The following EDEM3 variants were observed in gnomAD, a reference collection of about 807,000 sequenced individuals.
EDEM3 encodes ER degradation enhancing alpha-mannosidase like protein 3.
A neutral mutation model predicts 110.2 loss-of-function variants in EDEM3; 60 were observed. The observed-to-expected ratio is 0.54, with a 90% confidence interval of 0.44 to 0.67. EDEM3 has a LOEUF of 0.67. Among genes scored for constraint, EDEM3 ranks in the 30% least tolerant of loss-of-function variants. The probability of loss-of-function intolerance (pLI) is 0.00; values close to 1 mark genes in which losing one functional copy is unlikely to be tolerated. For missense variants in EDEM3, 996 were observed against 1,121.0 expected, an observed-to-expected ratio of 0.89 and a Z score of 1.59; for synonymous variants, 352 against 382.9, an observed-to-expected ratio of 0.92 and a Z score of 0.94.
chr1:184,712,176 T>C (rs1411784904), intron 14 of EDEM3, among the ~76,000 whole-genome samples: 5 of 152,140 alleles, frequency 3.3e-5, no homozygotes, highest in South Asian at 4.1e-4. Context: ...TCCACCTACC[T>C]GGGCCTCCCA....
In EDEM3 at chr1:184,708,362, T is replaced by C. The variant is rs76587034; in HGVS notation, c.1846-18A>G. The C allele has an allele frequency of 4.7e-3, 7,600 of 1,609,096 alleles. 325 individuals carry two copies. In the African/African-American group the frequency reaches 0.091, roughly 19 times the overall value. On this transcript the variant is annotated intron_variant, in intron 16 of 19. Transcript: ENST00000318130. ...CTAGCAGCCTATGAAAAAAACAAAT[T>C]CATTTTATCCTTCCTTTCTGGAAAC...
At chr1:184,733,647 G>C (rs904051836) in intron 5 of EDEM3, among the ~76,000 whole-genome samples, 1 of 152,048 alleles carries the variant, frequency 6.6e-6, no homozygotes, top group African/African-American at 2.4e-5. Context: ...GGCCAACACG[G>C]TGAAACCCTG....
rs112913797 is a variant in EDEM3 at position 184,723,815 on chromosome 1, T to C, written c.789A>G (p.Arg263=). ...RKALDFLWEK[R]QRSSNLVGVT... is the part of the protein sequence containing the mutation. ...CGCCCACTAAATTACTACTTCGCTG[T>C]CTTTTTTCCCAGAGAAAATCAAGAG... The change falls in exon 8 of 20, where the codon AGA becomes AGG. Residue 263 remains arginine, a synonymous_variant. Transcript: ENST00000318130. 5.8e-5 allele frequency: 93 copies of C among 1,594,886 alleles called. 1 individual carries two copies. In the African/African-American group the frequency reaches 6.0e-4, roughly 10 times the overall value.
In EDEM3 at chr1:184,754,602, C is replaced by T. The variant is rs1652989935; in HGVS notation, c.45G>A (p.Gln15=). 1.2e-6 allele frequency: 2 copies of T among 1,609,386 alleles called. No individual in the cohort carries two copies. Among genetic ancestry groups the T allele is most frequent in the Non-Finnish European group, 1.7e-6 (2 of 1,178,280 alleles). ...CCGCCACTAGTCTCCATCGCGCTCGCTGGGGAACCGGGGACCCACAGCCCC... is the reference window on the plus strand; with the variant it reads ...CCGCCACTAGTCTCCATCGCGCTCGTTGGGGAACCGGGGACCCACAGCCCC... ...GGRGCGSPVP[Q]RARWRLVAAT... Residue 15 remains glutamine, a synonymous_variant, in exon 1 of 20, where the codon CAG becomes CAA. Coordinates refer to ENST00000318130, the MANE Select transcript of EDEM3 (RefSeq NM_025191.4).
intron 18 of EDEM3, among the ~76,000 whole-genome samples, chr1:184,706,359 T>C (rs1422375834): frequency 6.6e-6 from 1 of 152,158 alleles, no homozygotes; most frequent in Non-Finnish European, 1.5e-5. Flanking sequence ...GCACCTTTTC[T>C]TATCCATGGT....
At position 184,708,541 on chromosome 1, in the gene EDEM3, C is replaced by T. The variant is rs185115783; in HGVS notation, c.1846-197G>A. The stretch of plus-strand genomic sequence containing the variant: ...ATAGTATTTCTGAAAATAACTTATC[C>T]GTATTTTTTATCAATGTCACTTTCG... On this transcript the variant is annotated intron_variant, in intron 16 of 19. Coordinates refer to ENST00000318130, the MANE Select transcript of EDEM3 (RefSeq NM_025191.4). 4.9e-3 allele frequency among the ~76,000 whole-genome samples: 753 copies of T among 152,122 alleles called. 6 individuals are homozygous for T. The highest frequency in any genetic ancestry group is 0.037 in the East Asian group (188 of 5,138).
intron 1 of EDEM3, among the ~76,000 whole-genome samples, chr1:184,752,900 G>A (rs891834662): frequency 2.0e-5 from 3 of 152,156 alleles, no homozygotes; most frequent in African/African-American, 7.2e-5. Context: ...GAAATAGGAA[G>A]GAGTACAGAG....
Position 184,708,363 on chromosome 1 carries a change from C to T in EDEM3, c.1846-19G>A. 6.2e-7 allele frequency: 1 copy of T among 1,608,564 alleles called. No homozygotes were observed. Among genetic ancestry groups the T allele is most frequent in the South Asian group, 1.1e-5 (1 of 89,974 alleles). On this transcript the variant is annotated intron_variant, in intron 16 of 19. Transcript: ENST00000318130. ...TAGCAGCCTATGAAAAAAACAAATT[C>T]ATTTTATCCTTCCTTTCTGGAAACT...
rs371763731 is a variant in EDEM3 at position 184,710,401 on chromosome 1, G to C, written c.1838C>G (p.Ala613Gly). Residue 613 changes from alanine (A) to glycine (G), a missense_variant, in exon 16 of 20, where the codon GCA (alanine) becomes GGA (glycine). By Grantham distance (60) the Ala-to-Gly change is moderately conservative. Coordinates refer to ENST00000318130, the MANE Select transcript of EDEM3 (RefSeq NM_025191.4). ...KDGRVQLVQHAIQAASSIDAE... is the reference protein window; with the variant it reads ...KDGRVQLVQHGIQAASSIDAE... ...AGTGTAGCAATGTCTTACTTGGATT[G>C]CATGTTGGACCAACTGGACTCTCCC... 40 of 1,613,602 alleles carry C rather than the reference G, an allele frequency of 2.5e-5. No individual in the cohort carries two copies. Among genetic ancestry groups the C allele is most frequent in the Non-Finnish European group, 3.1e-5 (36 of 1,179,794 alleles).
chr1:184,729,870 GC>G (rs1651404603), intron 6 of EDEM3, among the ~76,000 whole-genome samples: 1 of 152,072 alleles, frequency 6.6e-6, no homozygotes, highest in Non-Finnish European at 1.5e-5. Context: ...GTAAAGAAAT[GC>G]TAGATTCCTC....
At chr1:184,744,015 T>C (rs1398936061) in intron 2 of EDEM3, among the ~76,000 whole-genome samples, 1 of 151,444 alleles carries the variant, frequency 6.6e-6, no homozygotes. Context: ...ATTTGTGACA[T>C]TGGGCTAGGC....
chr1:184,722,455 A>C (rs2102091595), intron 8 of EDEM3, among the ~76,000 whole-genome samples: 1 of 152,118 alleles, frequency 6.6e-6, no homozygotes, highest in Admixed American at 6.5e-5. Flanking sequence ...AAATACTAGA[A>C]AACAGTGAAT....
chr1:184,717,973 T>C (rs1314867278), intron 11 of EDEM3, among the ~76,000 whole-genome samples: 1 of 151,984 alleles, frequency 6.6e-6, no homozygotes, highest in African/African-American at 2.4e-5. Context: ...ATTACTCTCC[T>C]AGTTCTCATA....
At position 184,719,903 on chromosome 1, in the gene EDEM3, T is replaced by C. The variant is rs558663950; in HGVS notation, c.952-335A>G. Among the ~76,000 whole-genome samples the C allele has an allele frequency of 2.0e-5, 3 of 152,330 alleles. No individual in the cohort carries two copies. In the East Asian group the frequency reaches 5.8e-4, roughly 29 times the overall value. ...GCCCACTGATGCTCATAGGTCCCCT[T>C]GTAATATAGCTATCAGCTTCTGTAT... On this transcript the variant is annotated intron_variant, in intron 9 of 19. Transcript: ENST00000318130.
At chr1:184,731,115 GA>G (rs1288896116) in intron 6 of EDEM3, among the ~76,000 whole-genome samples, 1 of 152,156 alleles carries the variant, frequency 6.6e-6, no homozygotes, top group African/African-American at 2.4e-5. Flanking sequence ...AACCAAGAGA[GA>G]AAGAATAAGA....
intron 8 of EDEM3, 103 bp downstream of exon 8, chr1:184,723,648 T>C: frequency 1.0e-6 from 1 of 956,236 alleles, no homozygotes; most frequent in Non-Finnish European, 1.6e-6. Flanking sequence ...TGAGAACCTA[T>C]GCTTTATAGT....
rs1390211072 is a variant in EDEM3, at chr1:184,737,487, A to C, written c.305+124T>G. 4 of 744,166 alleles carry C rather than the reference A, an allele frequency of 5.4e-6. No individual in the cohort carries two copies. The African/African-American group carries it at 7.0e-5, about 13-fold the overall frequency. The allele number at this position is 744,166 out of a possible 1,614,324, so 46.1% of individuals were successfully genotyped here. On this transcript the variant is annotated intron_variant, in intron 3 of 19. Transcript: ENST00000318130. ...AGAAGGGAATAAAGGAGCATAATGT[A>C]ATACATAAAACAGTCTTTAAAATTT...
chr1:184,712,860 C>T (rs1650332420), intron 13 of EDEM3, among the ~76,000 whole-genome samples: 1 of 152,040 alleles, frequency 6.6e-6, no homozygotes, highest in African/African-American at 2.4e-5. Context: ...TTCTATAGGC[C>T]TTTCAATGAG....
intron 1 of EDEM3, among the ~76,000 whole-genome samples, chr1:184,750,518 C>CTTTTTTTTTT (rs376949251): frequency 2.0e-5 from 3 of 146,384 alleles, no homozygotes; most frequent in Admixed American, 1.4e-4. Flanking sequence ...TTAACTTTTT[C>CTTTTTTTTTT]TTTTTTTTTT....
Sources: gnomAD v4.1 joint callset for allele counts (sites outside exome capture counted in the v4.1 genomes callset) on GRCh38, gnomAD v4.1.1 for gene constraint, MANE v1.5 for transcripts, NCBI Gene and HGNC (gene_info 2026-07-23, HGNC 2026-07-21) for gene names.